CCDC172: variants seen among roughly 807,000 people sequenced by gnomAD.
CCDC172 encodes coiled-coil domain containing 172, also known as coiled-coil domain-containing protein 172.
A neutral mutation model predicts 38.0 loss-of-function variants in CCDC172; 30 were observed. That is an observed-to-expected ratio of 0.79 (90% CI 0.59 to 1.07). The LOEUF (loss-of-function observed/expected upper bound fraction) is 1.07, where lower values mean the gene tolerates loss of function less well. Ranked by LOEUF, CCDC172 falls within the 50% of genes least tolerant of loss-of-function variation. The pLI, the probability that CCDC172 is intolerant of heterozygous loss-of-function variation, is 0.00. For missense variants in CCDC172, 297 were observed against 290.1 expected, an observed-to-expected ratio of 1.02 and a Z score of -0.17; for synonymous variants, 78 against 88.3, an observed-to-expected ratio of 0.88 and a Z score of 0.66.
At chr10:116,362,968 G>A (rs746204716) in intron 7 of CCDC172, among the ~76,000 whole-genome samples, 38 of 152,074 alleles carry the variant, frequency 2.5e-4, no homozygotes, top group Middle Eastern at 3.4e-3. Flanking sequence ...AAATTTTTAC[G>A]GTAGACTCCA....
intron 3 of CCDC172, among the ~76,000 whole-genome samples, chr10:116,326,340 G>C (rs935500945): frequency 6.6e-5 from 10 of 152,132 alleles, no homozygotes; most frequent in African/African-American, 2.4e-4. Flanking sequence ...CCACAATGAA[G>C]GCCTCGCTAT....
At chr10:116,344,918 G>T (rs1044126123) in intron 5 of CCDC172, among the ~76,000 whole-genome samples, 1 of 150,224 alleles carries the variant, frequency 6.7e-6, no homozygotes, top group East Asian at 2.0e-4. Flanking sequence ...CTTACACAGA[G>T]TCAGTATCAC....
chr10:116,339,642 G>A (rs899616343), intron 3 of CCDC172, among the ~76,000 whole-genome samples: 1 of 151,900 alleles, frequency 6.6e-6, no homozygotes, highest in Non-Finnish European at 1.5e-5. Flanking sequence ...AAGTACTGAA[G>A]ATATGGGCAG....
At chr10:116,347,634 T>C (rs1235723001) in intron 5 of CCDC172, among the ~76,000 whole-genome samples, 1 of 152,030 alleles carries the variant, frequency 6.6e-6, no homozygotes, top group Non-Finnish European at 1.5e-5. Flanking sequence ...TGATTAACAA[T>C]GAAACTCTAG....
At position 116,330,100 on chromosome 10, in the gene CCDC172, G is replaced by GGGTGTTTGGCAAAATTTTCTGAAAAATAA. The variant is rs1489886713; in HGVS notation, c.165+4713_165+4741dup. Among the ~76,000 whole-genome samples the GGGTGTTTGGCAAAATTTTCTGAAAAATAA allele has an allele frequency of 6.6e-5, 10 of 152,250 alleles. No individual in the cohort carries two copies. In the East Asian group the frequency reaches 1.9e-3, roughly 29 times the overall value. On this transcript the variant is annotated intron_variant, in intron 3 of 8. Transcript: ENST00000333254. ...AGTCAAGTTGTAGTTATTTAGATTT[G>GGGTGTTTGGCAAAATTTTCTGAAAAATAA]GGTGTTTGGCAAAATTTTCTGAAAA...
At chr10:116,337,678 T>A (rs917097039) in intron 3 of CCDC172, among the ~76,000 whole-genome samples, 1 of 152,174 alleles carries the variant, frequency 6.6e-6, no homozygotes, top group Non-Finnish European at 1.5e-5. Context: ...ATATAAAATA[T>A]TGCCTCAGTT....
chr10:116,342,713 G>T (rs1036545059), intron 5 of CCDC172, among the ~76,000 whole-genome samples: 11 of 152,120 alleles, frequency 7.2e-5, no homozygotes, highest in African/African-American at 9.7e-5. Context: ...GGGCCTGGTG[G>T]GAGGTGATTG....
At chr10:116,363,288 A>G (rs1309874654) in intron 7 of CCDC172, among the ~76,000 whole-genome samples, 1 of 152,096 alleles carries the variant, frequency 6.6e-6, no homozygotes, top group Non-Finnish European at 1.5e-5. Flanking sequence ...TTCTCAGCAG[A>G]TTCCTCTGGT....
At chr10:116,356,473 A>G (rs559520503) in intron 5 of CCDC172, among the ~76,000 whole-genome samples, 1 of 152,238 alleles carries the variant, frequency 6.6e-6, no homozygotes, top group Admixed American at 6.5e-5. Context: ...GCAGAAGAAG[A>G]GACCAGTGAA....
chr10:116,337,008 A>G (rs923752331), intron 3 of CCDC172, among the ~76,000 whole-genome samples: 2 of 152,178 alleles, frequency 1.3e-5, no homozygotes, highest in Non-Finnish European at 2.9e-5. Context: ...TAAAAAATCA[A>G]ATATCCCAAG....
In CCDC172 at chr10:116,341,356, TTGG is replaced by T. The variant is rs577886437; in HGVS notation, c.282+511_282+513del. ...ATATCTGAAGTCAGAACCAACACACTTGGTGGTTTGAAATGACGTGGCCAGTTT... is the reference window on the plus strand; with the variant it reads ...ATATCTGAAGTCAGAACCAACACACTTGGTTTGAAATGACGTGGCCAGTTT... On this transcript the variant is annotated intron_variant, in intron 4 of 8. Transcript: ENST00000333254. Among the ~76,000 whole-genome samples the T allele has an allele frequency of 7.9e-5, 12 of 152,118 alleles. No homozygotes were observed. In the East Asian group the frequency reaches 2.3e-3, roughly 29 times the overall value.
intron 5 of CCDC172, among the ~76,000 whole-genome samples, chr10:116,356,877 C>A (rs1207586907): frequency 6.6e-6 from 1 of 151,978 alleles, no homozygotes; most frequent in Admixed American, 6.6e-5. Context: ...GTAGGCTAAC[C>A]ATCTACTAAC....
In CCDC172 at chr10:116,345,803, G is replaced by A. The variant is rs117960019; in HGVS notation, c.448+3602G>A. ...GTTAAAAAGACTGACCATACCAAAC[G>A]TTGCTGAGAATGTGGAGCATCTGAT... is the stretch of plus-strand genomic sequence containing the variant. On this transcript the variant is annotated intron_variant, in intron 5 of 8. Transcript: ENST00000333254. Among the ~76,000 whole-genome samples the A allele has an allele frequency of 9.5e-3, 1,453 of 152,182 alleles. 27 individuals carry two copies. The East Asian group carries it at 0.1, about 11-fold the overall frequency.
intron 3 of CCDC172, among the ~76,000 whole-genome samples, chr10:116,339,670 A>G (rs1360609699): frequency 7.2e-5 from 11 of 152,072 alleles, no homozygotes. Flanking sequence ...ACGATCTTAT[A>G]TAAATGTAAG....
intron 7 of CCDC172, among the ~76,000 whole-genome samples, chr10:116,362,399 T>G (rs1461788697): frequency 6.6e-6 from 1 of 152,218 alleles, no homozygotes; most frequent in East Asian, 1.9e-4. Flanking sequence ...GATGCCATAT[T>G]TATATAACCA....
chr10:116,371,068 C>A (rs1845181027), intron 7 of CCDC172, among the ~76,000 whole-genome samples: 1 of 151,856 alleles, frequency 6.6e-6, no homozygotes, highest in Non-Finnish European at 1.5e-5. Context: ...ATGGCTAGTT[C>A]TTCCAACTTA....
chr10:116,347,810 G>C (rs1346058100), intron 5 of CCDC172, among the ~76,000 whole-genome samples: 2 of 152,016 alleles, frequency 1.3e-5, no homozygotes, highest in African/African-American at 4.8e-5. Flanking sequence ...ATTTCACTGG[G>C]TTTTCTATGT....
intron 5 of CCDC172, among the ~76,000 whole-genome samples, chr10:116,351,221 A>G (rs2134938907): frequency 6.6e-6 from 1 of 152,210 alleles, no homozygotes; most frequent in African/African-American, 2.4e-5. Flanking sequence ...ATCTTTTTTA[A>G]TCTGTTGAAT....
At position 116,378,538 on chromosome 10, in the gene CCDC172, T is replaced by C. The variant is rs769154627; in HGVS notation, c.741+28T>C. On this transcript the variant is annotated intron_variant, in intron 8 of 8. Coordinates refer to ENST00000333254, the MANE Select transcript of CCDC172 (RefSeq NM_198515.3). ...AAGTTATCATTGATTGTTTAACTTT[T>C]GTTCAGCATTATTTTACCTACTGGT... 5.8e-6 allele frequency: 9 copies of C among 1,559,170 alleles called. No individual in the cohort carries two copies. The African/African-American group carries it at 1.1e-4, about 19-fold the overall frequency.
Sources: allele counts gnomAD v4.1 joint callset (sites outside exome capture counted in the v4.1 genomes callset), GRCh38; gene constraint gnomAD v4.1.1; transcripts MANE v1.5; gene names NCBI Gene and HGNC (gene_info 2026-07-23, HGNC 2026-07-21).